COL21A1: variants seen among roughly 807,000 people sequenced by gnomAD.
COL21A1 encodes collagen type XXI alpha 1 chain, also known as collagen alpha-1(XXI) chain.
A neutral mutation model predicts 137.9 loss-of-function variants in COL21A1; 149 were observed. The observed-to-expected ratio is 1.08, with a 90% CI of 0.95 to 1.24. The LOEUF (loss-of-function observed/expected upper bound fraction) is 1.24. COL21A1 is among the 50% of genes most tolerant of loss of function. The pLI is 0.00. For missense variants in COL21A1, 1,167 were observed against 1,158.4 expected (o/e 1.01, Z -0.11); for synonymous variants, 456 against 391.5 (o/e 1.16, Z -1.95).
chr6:56,299,630 G>A (rs911803589), intron 1 of COL21A1, among the ~76,000 whole-genome samples: 4 of 151,972 alleles, frequency 2.6e-5, no homozygotes, highest in African/African-American at 9.7e-5. Context: ...AATATTTCAT[G>A]TGAAATCACA....
chr6:56,149,701 C>T (rs1775132898), intron 10 of COL21A1, among the ~76,000 whole-genome samples: 1 of 150,904 alleles, frequency 6.6e-6, no homozygotes, highest in Admixed American at 6.6e-5. Flanking sequence ...AAACCCATAT[C>T]CAATAGATCA....
intron 27 of COL21A1, 104 bp from the exon 28 acceptor site, chr6:56,060,322 G>T: frequency 1.1e-6 from 1 of 884,028 alleles, no homozygotes; most frequent in Non-Finnish European, 1.7e-6. Context: ...TACGAACATT[G>T]AATATGTGCA....
chr6:56,266,017 C>T (rs1763382885), intron 1 of COL21A1, among the ~76,000 whole-genome samples: 1 of 152,234 alleles, frequency 6.6e-6, no homozygotes. Flanking sequence ...GTTAAAGCCT[C>T]TGTCCCAGTG....
intron 1 of COL21A1, among the ~76,000 whole-genome samples, chr6:56,392,762 T>G (rs2094032175): frequency 6.6e-6 from 1 of 152,010 alleles, no homozygotes; most frequent in Non-Finnish European, 1.5e-5. Flanking sequence ...CAAATAAAAT[T>G]AAATGCCTAG....
intron 1 of COL21A1, among the ~76,000 whole-genome samples, chr6:56,284,336 G>C (rs1467974749): frequency 6.6e-6 from 1 of 152,188 alleles, no homozygotes; most frequent in Non-Finnish European, 1.5e-5. Flanking sequence ...TTACAGGTGT[G>C]AGCCACAGCA....
intron 12 of COL21A1, among the ~76,000 whole-genome samples, chr6:56,132,776 T>A: frequency 6.6e-6 from 1 of 152,136 alleles, no homozygotes; most frequent in East Asian, 1.9e-4. Flanking sequence ...GGCGGGTCTT[T>A]CACGTGCTGC....
Position 56,061,169 on chromosome 6 carries a change from G to A in COL21A1, c.2206-132C>T, listed in dbSNP as rs150732025. On this transcript the variant is annotated intron_variant, in intron 25 of 29. Transcript: ENST00000244728. ...TATGTAAGGTATGTAAGGAATAGCC[G>A]GAAATATTGTCATTGACCAGAAGGG... is the stretch of plus-strand genomic sequence containing the variant. 27 of 736,986 alleles carry A rather than the reference G, an allele frequency of 3.7e-5. No individual in the cohort carries two copies. The Admixed American group carries it at 4.8e-4, about 13-fold the overall frequency. 45.7% of individuals were successfully genotyped at this position (736,986 alleles called of 1,614,324 possible).
chr6:56,064,610 C>CTCCCT lies in COL21A1; in HGVS notation c.2135_2139dup (p.Glu714ArgfsTer48). On this transcript the variant is annotated frameshift_variant, in exon 24 of 30. Coordinates refer to ENST00000244728, the MANE Select transcript of COL21A1 (RefSeq NM_030820.4). LOFTEE classifies it high-confidence loss of function. Reference sequence around the variant, plus strand: ...CCTGGAATTCCCTGTCTTCCATTTTCTCCCTTTTGACCCTTTAAAATAAAA... The same window carrying CTCCCT: ...CCTGGAATTCCCTGTCTTCCATTTTCTCCCTTCCCTTTTGACCCTTTAAAATAAAA... 1 of 1,592,536 alleles carries CTCCCT rather than the reference C, an allele frequency of 6.3e-7. No homozygotes were observed. The highest frequency in any genetic ancestry group is 8.6e-7 in the Non-Finnish European group (1 of 1,168,252).
At chr6:56,340,326 A>C (rs550310352) in intron 1 of COL21A1, among the ~76,000 whole-genome samples, 12 of 152,088 alleles carry the variant, frequency 7.9e-5, no homozygotes, top group Non-Finnish European at 1.2e-4. Flanking sequence ...ATCCATGAAA[A>C]GACATGGAGG....
intron 10 of COL21A1, among the ~76,000 whole-genome samples, chr6:56,151,040 G>A (rs193222318): frequency 1.3e-5 from 2 of 149,500 alleles, no homozygotes; most frequent in East Asian, 4.0e-4. Context: ...TGGCTAACAT[G>A]GTGAAACCCC....
At chr6:56,210,750 AAG>A (rs1780104671) in intron 1 of COL21A1, among the ~76,000 whole-genome samples, 1 of 152,186 alleles carries the variant, frequency 6.6e-6, no homozygotes, top group Non-Finnish European at 1.5e-5. Context: ...ACCTAAATAA[AAG>A]AAATTCAGTA....
At chr6:56,334,028 T>TATGATAGTACGGAGTTTCAGTA (rs59592166) in intron 1 of COL21A1, among the ~76,000 whole-genome samples, 2 of 151,524 alleles carry the variant, frequency 1.3e-5, no homozygotes, top group Non-Finnish European at 2.9e-5. Context: ...ATGCTTTGCA[T>TATGATAGTACGGAGTTTCAGTA]ATGACAGTAT....
At chr6:56,191,101 C>T (rs148238785) in intron 1 of COL21A1, among the ~76,000 whole-genome samples, 27 of 152,208 alleles carry the variant, frequency 1.8e-4, no homozygotes, top group African/African-American at 6.0e-4. Flanking sequence ...GAACTTCTGG[C>T]CAGGGCAATC....
intron 1 of COL21A1, among the ~76,000 whole-genome samples, chr6:56,237,455 T>C (rs1781979194): frequency 6.6e-6 from 1 of 152,154 alleles, no homozygotes; most frequent in Admixed American, 6.5e-5. Context: ...GGTTTTAAAT[T>C]AAGTCATTAG....
chr6:56,236,036 G>T (rs1205297410), intron 1 of COL21A1, among the ~76,000 whole-genome samples: 1 of 151,916 alleles, frequency 6.6e-6, no homozygotes, highest in East Asian at 1.9e-4. Flanking sequence ...GAATTAATTT[G>T]CTCTTGAACT....
rs199722485 is a variant in COL21A1 at position 56,060,790 on chromosome 6, T to G, written c.2358A>C (p.Arg786Ser). ...GPPGLDGKPGREFSEQFIRQV... is the reference protein window; with the variant it reads ...GPPGLDGKPGSEFSEQFIRQV... ...GTCGAATAAATTGTTCTGAAAACTC[T>G]CTTCCCTGCATCAAAGTGTTAGGGG... is the stretch of plus-strand genomic sequence containing the variant. Residue 786 changes from arginine (R) to serine (S), a missense_variant, in exon 27 of 30, where the codon AGA (arginine) becomes AGC (serine). Arg to Ser is a moderately radical substitution (Grantham distance 110). Transcript: ENST00000244728. The G allele has an allele frequency of 1.9e-4, 300 of 1,609,996 alleles. No homozygotes were observed. Among genetic ancestry groups the G allele is most frequent in the Non-Finnish European group, 2.4e-4 (281 of 1,178,860 alleles).
intron 12 of COL21A1, among the ~76,000 whole-genome samples, chr6:56,127,693 T>C (rs976534555): frequency 1.2e-4 from 18 of 152,244 alleles, no homozygotes; most frequent in African/African-American, 4.3e-4. Flanking sequence ...TCAATGTCAC[T>C]AATAAGACGT....
chr6:56,309,087 G>A (rs1331564461), intron 1 of COL21A1, among the ~76,000 whole-genome samples: 2 of 150,670 alleles, frequency 1.3e-5, no homozygotes, highest in African/African-American at 2.4e-5. Flanking sequence ...TCTGTCGCCC[G>A]GCTGGAGTAT....
intron 1 of COL21A1, among the ~76,000 whole-genome samples, chr6:56,384,572 C>T (rs539437353): frequency 1.2e-4 from 18 of 152,220 alleles, no homozygotes; most frequent in Admixed American, 6.5e-4. Flanking sequence ...TGGTTACATT[C>T]GGGGAACTGG....
Sources: gnomAD v4.1 joint callset for allele counts (sites outside exome capture counted in the v4.1 genomes callset) on GRCh38, gnomAD v4.1.1 for gene constraint, MANE v1.5 for transcripts, NCBI Gene and HGNC (gene_info 2026-07-23, HGNC 2026-07-21) for gene names.